Variants in PCDH15 observed in about 807,000 individuals in gnomAD.
PCDH15 encodes the protein protocadherin related 15, also known as protocadherin-15.
A neutral mutation model predicts 178.5 loss-of-function variants in PCDH15; 129 were observed. The ratio of observed to expected loss-of-function variants is 0.72; its 90% CI spans 0.63 to 0.84. The LOEUF is 0.84. Ranked by LOEUF, PCDH15 falls within the 40% of genes least tolerant of loss-of-function variation. The probability of loss-of-function intolerance (pLI) is 0.00; values close to 1 mark genes in which losing one functional copy is unlikely to be tolerated. For synonymous variants in PCDH15, 800 were observed against 732.0 expected, an observed-to-expected ratio of 1.09 and a Z score of -1.50; for missense variants, 2,230 against 2,099.9, an observed-to-expected ratio of 1.06 and a Z score of -1.21.
intron 1 of PCDH15, among the ~76,000 whole-genome samples, chr10:54,678,165 C>T (rs562915287): frequency 1.4e-3 from 211 of 152,148 alleles, no homozygotes; most frequent in African/African-American, 4.7e-3. Context: ...TATGTATATA[C>T]ACACACACAT....
chr10:55,257,316 C>T (rs1354835651), intron 1 of PCDH15, among the ~76,000 whole-genome samples: 1 of 152,140 alleles, frequency 6.6e-6, no homozygotes, highest in East Asian at 1.9e-4. Context: ...GTCAGAGTGC[C>T]TCTCCTCCTC....
chr10:55,600,262 G>A (rs1843045411), intron 2 of PCDH15, among the ~76,000 whole-genome samples: 2 of 151,978 alleles, frequency 1.3e-5, no homozygotes, highest in Non-Finnish European at 2.9e-5. Flanking sequence ...TACCCAGGAG[G>A]ATGAGGCAGG....
rs903375252 is a variant in PCDH15, at chr10:53,806,560, A to T, written c.*19T>A. 2.0e-6 allele frequency: 3 copies of T among 1,536,288 alleles called. No homozygotes were observed. The African/African-American group carries it at 4.2e-5, about 21-fold the overall frequency. On this transcript the variant is annotated 3_prime_UTR_variant, in exon 38 of 38. Coordinates refer to ENST00000644397, the MANE Select transcript of PCDH15 (RefSeq NM_001384140.1). ...AAAATGTAAGTAAAAATTAATTAAA[A>T]TATCTTTTAAAAAATTGGTCACAGT...
chr10:54,580,513 G>C (rs2133779729), intron 2 of PCDH15, among the ~76,000 whole-genome samples: 1 of 152,028 alleles, frequency 6.6e-6, no homozygotes, highest in East Asian at 1.9e-4. Flanking sequence ...CCAAATTATA[G>C]CAGAAATACA....
intron 2 of PCDH15, among the ~76,000 whole-genome samples, chr10:54,615,391 G>T (rs1305491294): frequency 6.6e-6 from 1 of 151,974 alleles, no homozygotes; most frequent in Non-Finnish European, 1.5e-5. Flanking sequence ...GTAGAATTGG[G>T]CAAGAAATGG....
At chr10:55,512,400 CA>C (rs1452327174) in intron 2 of PCDH15, among the ~76,000 whole-genome samples, 5 of 152,022 alleles carry the variant, frequency 3.3e-5, no homozygotes, top group African/African-American at 7.2e-5. Context: ...CACTTCCACA[CA>C]GTGTTTTTAG....
chr10:55,267,443 C>T (rs11004791), intron 1 of PCDH15, among the ~76,000 whole-genome samples: 86,008 of 152,006 alleles, frequency 0.57, 24,812 homozygotes, highest in East Asian at 0.78. Context: ...AAGTGTATGT[C>T]AGCAAAATTA....
At chr10:54,974,129 T>C (rs768277038) in intron 2 of PCDH15, among the ~76,000 whole-genome samples, 45 of 150,432 alleles carry the variant, frequency 3.0e-4, no homozygotes, top group East Asian at 5.9e-4. Flanking sequence ...ACAGATAATA[T>C]AGGCACAATG....
chr10:54,331,236 T>C (rs1054687762), intron 6 of PCDH15, among the ~76,000 whole-genome samples: 17 of 151,802 alleles, frequency 1.1e-4, no homozygotes, highest in Non-Finnish European at 1.9e-4. Flanking sequence ...TAGCCTTCCA[T>C]GTCTAGAGCT....
intron 3 of PCDH15, among the ~76,000 whole-genome samples, chr10:54,857,674 A>T (rs1001943023): frequency 1.3e-5 from 2 of 151,450 alleles, no homozygotes; most frequent in Non-Finnish European, 2.9e-5. Context: ...ATAGTTGCAA[A>T]CTTCTGGCAT....
At chr10:54,456,908 C>T (rs982222891) in intron 3 of PCDH15, among the ~76,000 whole-genome samples, 2 of 152,080 alleles carry the variant, frequency 1.3e-5, no homozygotes, top group African/African-American at 4.8e-5. Context: ...ATGTGAAGGA[C>T]ATGTTTACTT....
chr10:55,364,042 C>T (rs1227601781), intron 2 of PCDH15, among the ~76,000 whole-genome samples: 1 of 152,044 alleles, frequency 6.6e-6, no homozygotes, highest in Non-Finnish European at 1.5e-5. Flanking sequence ...GGTGGTTTCC[C>T]CCATGCTGTT....
At chr10:55,276,199 G>T (rs1052358918) in intron 1 of PCDH15, among the ~76,000 whole-genome samples, 1 of 150,394 alleles carries the variant, frequency 6.6e-6, no homozygotes, top group Admixed American at 6.6e-5. Context: ...TTTCTTAAAA[G>T]AACTTACCTT....
chr10:54,543,544 T>C (rs2085502025), intron 2 of PCDH15, among the ~76,000 whole-genome samples: 1 of 152,188 alleles, frequency 6.6e-6, no homozygotes, highest in Non-Finnish European at 1.5e-5. Context: ...TGTTTCACAA[T>C]AAAGAAGTGA....
chr10:53,894,745 T>C (rs924650140), intron 26 of PCDH15, among the ~76,000 whole-genome samples: 2 of 152,172 alleles, frequency 1.3e-5, no homozygotes, highest in African/African-American at 2.4e-5. Flanking sequence ...AAATAACACA[T>C]AAATAAGCAA....
chr10:53,886,443 C>A (rs772930269), intron 26 of PCDH15, among the ~76,000 whole-genome samples: 1 of 152,098 alleles, frequency 6.6e-6, no homozygotes, highest in Non-Finnish European at 1.5e-5. Flanking sequence ...ATTAACCTTT[C>A]TTTCACAGTC....
chr10:54,074,916 GGGTGTGA>G (rs1285891940), intron 17 of PCDH15, among the ~76,000 whole-genome samples: 1 of 151,816 alleles, frequency 6.6e-6, no homozygotes, highest in Non-Finnish European at 1.5e-5. Context: ...CGTCTCTACT[GGGTGTGA>G]GGTGGCACCT....
chr10:54,010,132 A>G (rs1416212954), intron 20 of PCDH15, among the ~76,000 whole-genome samples: 2 of 152,084 alleles, frequency 1.3e-5, no homozygotes, highest in African/African-American at 4.8e-5. Flanking sequence ...CCAGAGGGAG[A>G]GGCTGGCTGC....
chr10:55,149,473 A>G (rs1269373261), intron 2 of PCDH15, among the ~76,000 whole-genome samples: 3 of 152,072 alleles, frequency 2.0e-5, no homozygotes, highest in Middle Eastern at 3.2e-3. Flanking sequence ...CGTTTTATGC[A>G]TATTTAACAA....
Sources: gnomAD v4.1 joint callset for allele counts (sites outside exome capture counted in the v4.1 genomes callset) on GRCh38, gnomAD v4.1.1 for gene constraint, MANE v1.5 for transcripts, NCBI Gene and HGNC (gene_info 2026-07-23, HGNC 2026-07-21) for gene names.